Variants in NAALADL2 observed in about 807,000 individuals in gnomAD.
NAALADL2 encodes inactive N-acetylated-alpha-linked acidic dipeptidase-like protein 2.
A neutral mutation model predicts 87.2 loss-of-function variants in NAALADL2; 76 were observed. That is an observed-to-expected ratio of 0.87 (90% CI 0.72 to 1.05). The LOEUF (loss-of-function observed/expected upper bound fraction) is 1.05, where lower values mean the gene tolerates loss of function less well. Ranked by LOEUF, NAALADL2 falls within the 50% of genes least tolerant of loss-of-function variation. NAALADL2 has a pLI of 0.00. For synonymous variants in NAALADL2, 354 were observed against 331.0 expected (o/e 1.07, Z -0.75); for missense variants, 1,089 against 945.8 (o/e 1.15, Z -1.99).
chr3:175,448,817 C>T (rs1721091895), intron 6 of NAALADL2, among the ~76,000 whole-genome samples: 1 of 152,106 alleles, frequency 6.6e-6, no homozygotes, highest in South Asian at 2.1e-4. Context: ...TGAAGCAATT[C>T]TCCTACCTCA....
At chr3:174,640,553 A>G (rs535452398) in intron 2 of NAALADL2, among the ~76,000 whole-genome samples, 15 of 152,142 alleles carry the variant, frequency 9.9e-5, no homozygotes, top group Non-Finnish European at 2.9e-5. Flanking sequence ...CTTAGCCTTG[A>G]CAATGTGGGC....
chr3:174,448,427 G>A (rs984185105), intron 1 of NAALADL2, among the ~76,000 whole-genome samples: 3 of 152,148 alleles, frequency 2.0e-5, no homozygotes, highest in Non-Finnish European at 4.4e-5. Flanking sequence ...ATTTAATTTA[G>A]CAAAGGGATT....
intron 5 of NAALADL2, among the ~76,000 whole-genome samples, chr3:175,343,655 G>GTTTTTTTTATTTTTTTTT: frequency 1.5e-5 from 1 of 64,726 alleles, no homozygotes; most frequent in Non-Finnish European, 3.3e-5. Context: ...TCTTGATCAT[G>GTTTTTTTTATTTTTTTTT]TTTTTTTTTT....
intron 7 of NAALADL2, 94 bp from the exon 8 acceptor site, chr3:175,466,885 T>C: frequency 1.9e-6 from 2 of 1,072,318 alleles, no homozygotes; most frequent in South Asian, 2.8e-5. Context: ...GCTTAATTAT[T>C]GCTCAGTTGT....
rs78354776 is a variant in NAALADL2, at chr3:175,185,017, A to G, written c.546-48914A>G. On this transcript the variant is annotated intron_variant, in intron 2 of 13. Coordinates refer to ENST00000454872, the MANE Select transcript of NAALADL2 (RefSeq NM_207015.3). ...TTTCTTTTGCCTGTGAGCATTGTAC[A>G]AATGAGAGATAGCAAAATTATTTGC... is the stretch of plus-strand genomic sequence containing the variant. Among the ~76,000 whole-genome samples the G allele has an allele frequency of 2.4e-3, 361 of 152,218 alleles. 14 individuals are homozygous for G. In the East Asian group the frequency reaches 0.062, roughly 26 times the overall value.
intron 2 of NAALADL2, among the ~76,000 whole-genome samples, chr3:175,139,184 A>G (rs569838781): frequency 6.6e-6 from 1 of 151,904 alleles, no homozygotes; most frequent in African/African-American, 2.4e-5. Context: ...TTTGGAAGAC[A>G]TAAACTATGA....
intron 4 of NAALADL2, among the ~76,000 whole-genome samples, chr3:175,314,401 T>G (rs1328158838): frequency 6.6e-6 from 1 of 151,094 alleles, no homozygotes; most frequent in Middle Eastern, 3.2e-3. Context: ...ACACTCTTCA[T>G]CTCTACTCTT....
chr3:174,793,785 G>T (rs1287242284), intron 3 of NAALADL2, among the ~76,000 whole-genome samples: 2 of 150,318 alleles, frequency 1.3e-5, no homozygotes, highest in South Asian at 2.1e-4. Flanking sequence ...TTTGAAAAAA[G>T]TTTTATGTTA....
chr3:175,357,730 G>A (rs1306444742), intron 5 of NAALADL2, among the ~76,000 whole-genome samples: 1 of 152,150 alleles, frequency 6.6e-6, no homozygotes, highest in African/African-American at 2.4e-5. Context: ...TGTCTTCTTT[G>A]CGTAAAAAAT....
chr3:175,014,747 T>C (rs1051770536), intron 1 of NAALADL2, among the ~76,000 whole-genome samples: 1 of 152,170 alleles, frequency 6.6e-6, no homozygotes, highest in Non-Finnish European at 1.5e-5. Context: ...TCCCAAACAC[T>C]ATCTAATTAG....
chr3:175,761,782 G>T (rs1210458041), intron 13 of NAALADL2, among the ~76,000 whole-genome samples: 1 of 151,980 alleles, frequency 6.6e-6, no homozygotes, highest in African/African-American at 2.4e-5. Flanking sequence ...ATGCTTATTT[G>T]CCGTCTATAT....
chr3:174,915,004 T>C (rs1170825200), intron 1 of NAALADL2, among the ~76,000 whole-genome samples: 1 of 152,206 alleles, frequency 6.6e-6, no homozygotes, highest in Admixed American at 6.6e-5. Flanking sequence ...TAAAAAGTTA[T>C]ACTACAGTTT....
intron 4 of NAALADL2, among the ~76,000 whole-genome samples, chr3:175,264,724 A>T (rs1460269257): frequency 6.6e-6 from 1 of 151,720 alleles, no homozygotes; most frequent in Non-Finnish European, 1.5e-5. Context: ...AAGATGGTAC[A>T]TGCTTTAGAT....
At chr3:175,674,880 GA>G (rs544888913) in intron 11 of NAALADL2, among the ~76,000 whole-genome samples, 1 of 151,916 alleles carries the variant, frequency 6.6e-6, no homozygotes, top group Non-Finnish European at 1.5e-5. Context: ...TTTCGAGTAC[GA>G]AAAAACCCAA....
rs1169480595 is a variant in NAALADL2 at position 175,803,756 on chromosome 3, T to C, written c.*553T>C. The C allele has an allele frequency of 1.3e-5, 2 of 152,470 alleles. No individual in the cohort carries two copies. The highest frequency in any genetic ancestry group is 4.8e-5 in the African/African-American group (2 of 41,428). The allele number at this position is 152,470 out of a possible 1,614,324, so 9.4% of individuals were successfully genotyped here. A position where few individuals can be genotyped will look rare whatever the true frequency, so the allele number is the denominator to read the frequency against. On this transcript the variant is annotated 3_prime_UTR_variant, in exon 14 of 14. Transcript: ENST00000454872. Reference sequence around the variant, plus strand: ...CTCTTCTTAACACAACTAGATGTAGTAATACACTGGTTATGAAATTGTATT... The same window carrying C: ...CTCTTCTTAACACAACTAGATGTAGCAATACACTGGTTATGAAATTGTATT...
At chr3:175,184,474 T>C (rs1016107812) in intron 2 of NAALADL2, among the ~76,000 whole-genome samples, 3 of 152,144 alleles carry the variant, frequency 2.0e-5, no homozygotes, top group African/African-American at 7.2e-5. Flanking sequence ...TAATTTTAAC[T>C]AAATTACTTT....
chr3:174,909,091 A>G (rs2108291893), intron 1 of NAALADL2, among the ~76,000 whole-genome samples: 1 of 152,182 alleles, frequency 6.6e-6, no homozygotes, highest in African/African-American at 2.4e-5. Context: ...ATGTAACAGT[A>G]TTAGCTAAAT....
chr3:175,128,498 C>T (rs9880599), intron 2 of NAALADL2, among the ~76,000 whole-genome samples: 10,772 of 152,084 alleles, frequency 0.071, 788 homozygotes, highest in African/African-American at 0.19. Context: ...AATCCTATGG[C>T]CTGCTGAGAT....
chr3:175,391,646 A>C (rs1438086393), intron 5 of NAALADL2, among the ~76,000 whole-genome samples: 1 of 152,184 alleles, frequency 6.6e-6, no homozygotes, highest in Admixed American at 6.5e-5. Context: ...GTAGAGGTTA[A>C]GTCATTGAAT....
Sources: gnomAD v4.1 joint callset for allele counts (sites outside exome capture counted in the v4.1 genomes callset) on GRCh38, gnomAD v4.1.1 for gene constraint, MANE v1.5 for transcripts, NCBI Gene and HGNC (gene_info 2026-07-23, HGNC 2026-07-21) for gene names.